Variants in ADGRA3 observed in about 807,000 individuals in gnomAD.
The protein encoded by ADGRA3 is G-protein coupled receptor 125.
A neutral mutation model predicts 119.8 loss-of-function variants in ADGRA3; 56 were observed. The observed-to-expected ratio is 0.47, with a 90% confidence interval of 0.38 to 0.58. The LOEUF is 0.58. Among genes scored for constraint, ADGRA3 ranks in the 20% least tolerant of loss-of-function variants. The probability of loss-of-function intolerance (pLI) is 0.00; values close to 1 mark genes in which losing one functional copy is unlikely to be tolerated. For missense variants in ADGRA3, 1,516 were observed against 1,649.0 expected, an observed-to-expected ratio of 0.92 and a Z score of 1.40; for synonymous variants, 607 against 623.8, an observed-to-expected ratio of 0.97 and a Z score of 0.40.
At chr4:22,399,657 G>C (rs574463973) in intron 16 of ADGRA3, among the ~76,000 whole-genome samples, 1 of 151,982 alleles carries the variant, frequency 6.6e-6, no homozygotes, top group Non-Finnish European at 1.5e-5. Context: ...TCTGCCTCTG[G>C]ACTCTCCATT....
chr4:22,400,858 T>A (rs998687199), intron 16 of ADGRA3, among the ~76,000 whole-genome samples: 1 of 152,130 alleles, frequency 6.6e-6, no homozygotes, highest in Non-Finnish European at 1.5e-5. Flanking sequence ...GAAAAAAATA[T>A]ACAAACAAAG....
At chr4:22,403,328 TGAAGAG>T (rs1714751383) in intron 14 of ADGRA3, among the ~76,000 whole-genome samples, 1 of 152,058 alleles carries the variant, frequency 6.6e-6, no homozygotes, top group African/African-American at 2.4e-5. Context: ...TTCCTGTCCC[TGAAGAG>T]GTGAAAATCA....
intron 15 of ADGRA3, among the ~76,000 whole-genome samples, chr4:22,402,363 C>A (rs1290632498): frequency 6.6e-6 from 1 of 152,056 alleles, no homozygotes; most frequent in Non-Finnish European, 1.5e-5. Context: ...AGGTAAGAAA[C>A]TTCCGCCTCA....
At chr4:22,460,430 C>CA (rs1235286229) in intron 3 of ADGRA3, among the ~76,000 whole-genome samples, 6 of 152,276 alleles carry the variant, frequency 3.9e-5, no homozygotes, top group Middle Eastern at 3.4e-3. Context: ...CCAGAAAGGA[C>CA]AAAAGTTCCT....
intron 12 of ADGRA3, chr4:22,420,149 A>AT (rs1324129673): frequency 6.6e-6 from 1 of 152,328 alleles, no homozygotes; most frequent in Non-Finnish European, 1.5e-5. Flanking sequence ...TGTTTGTGAT[A>AT]TTATTGAGGG....
intron 2 of ADGRA3, among the ~76,000 whole-genome samples, chr4:22,471,244 A>C (rs1025834416): frequency 1.3e-5 from 2 of 151,974 alleles, no homozygotes; most frequent in African/African-American, 4.8e-5. Flanking sequence ...TCCCACTTAT[A>C]AGGGGGAGCT....
intron 14 of ADGRA3, among the ~76,000 whole-genome samples, chr4:22,403,963 C>T (rs1253751675): frequency 6.6e-6 from 1 of 152,120 alleles, no homozygotes; most frequent in African/African-American, 2.4e-5. Context: ...CAAGTCCTTG[C>T]TCCCAAAAAC....
chr4:22,455,799 T>C (rs934627739), intron 3 of ADGRA3: 1 of 1,287,596 alleles, frequency 7.8e-7, no homozygotes. Context: ...TGACAATATC[T>C]GTAACTTACA....
intron 1 of ADGRA3, among the ~76,000 whole-genome samples, chr4:22,513,845 C>CAAAAAAAAAAAAAA (rs59015584): frequency 3.2e-4 from 10 of 31,480 alleles, no homozygotes; most frequent in African/African-American, 9.9e-4. Context: ...AGCTTTCAGG[C>CAAAAAAAAAAAAAA]AAAAAAAAAA....
intron 2 of ADGRA3, among the ~76,000 whole-genome samples, chr4:22,470,338 C>T (rs1285004837): frequency 7.3e-6 from 1 of 136,080 alleles, no homozygotes; most frequent in Non-Finnish European, 1.6e-5. Flanking sequence ...AAAAAAAAAT[C>T]AACCTAAATA....
Position 22,392,694 on chromosome 4 carries a change from C to A in ADGRA3, c.2482-4G>T. On this transcript the variant is annotated splice_region_variant and splice_polypyrimidine_tract_variant and intron_variant, in intron 16 of 18. Transcript: ENST00000334304. ...AATAGTGAAGAATTATCCCAACCTA[C>A]AAGGAAGATCAAAGAATAAATAAAA... 1.3e-6 allele frequency: 2 copies of A among 1,599,010 alleles called. No homozygotes were observed. The highest frequency in any genetic ancestry group is 1.7e-6 in the Non-Finnish European group (2 of 1,175,394).
rs748422868 is a variant in ADGRA3 at position 22,436,495 on chromosome 4, T to A, written c.1232A>T (p.Tyr411Phe). 5.0e-6 allele frequency: 8 copies of A among 1,612,724 alleles called. No individual in the cohort carries two copies. The African/African-American group carries it at 9.3e-5, about 19-fold the overall frequency. Reference sequence around the variant, plus strand: ...ATCATTTGCATACTGACAGCGAGAATAATCATCATCTGCCCAAAAGCCACC... The same window carrying A: ...ATCATTTGCATACTGACAGCGAGAAAAATCATCATCTGCCCAAAAGCCACC... The part of the protein sequence containing the change: ...DRGGFWADDD[Y>F]SRCQYANDVT... The change falls in exon 9 of 19, where the codon TAT (tyrosine) becomes TTT (phenylalanine). Residue 411 changes from tyrosine to phenylalanine, a missense_variant. Around this residue, in one of 2 missense-constraint regions of ADGRA3, gnomAD observed 428 missense variants for 541.9 expected, o/e 0.79. Coordinates refer to ENST00000334304, the MANE Select transcript of ADGRA3 (RefSeq NM_145290.4).
chr4:22,447,524 A>G lies in ADGRA3; in HGVS notation c.474-13T>C, dbSNP rs1446307104. 6.8e-7 allele frequency: 1 copy of G among 1,463,682 alleles called. No individual in the cohort carries two copies. 90.7% of individuals were successfully genotyped at this position (1,463,682 alleles called of 1,614,324 possible). A position where few individuals can be genotyped will look rare whatever the true frequency, so the allele number is the denominator to read the frequency against. On this transcript the variant is annotated splice_polypyrimidine_tract_variant and intron_variant, in intron 4 of 18. Coordinates refer to ENST00000334304, the MANE Select transcript of ADGRA3 (RefSeq NM_145290.4). ...CCCCGAAAGGTTTCTGAAAGACAGA[A>G]AACAATTTCACTTTTAAAAATACAA...
In ADGRA3 at chr4:22,387,556, TA is replaced by T; in HGVS notation, c.*148del. ...CTAAAAAATAGCAACAATTTGGGGA[TA>T]AAAATAAGTAAAATCCAAAACTTCA... On this transcript the variant is annotated 3_prime_UTR_variant, in exon 19 of 19. Coordinates refer to ENST00000334304, the MANE Select transcript of ADGRA3 (RefSeq NM_145290.4). The T allele has an allele frequency of 1.4e-6, 1 of 698,652 alleles. No homozygotes were observed. The highest frequency in any genetic ancestry group is 2.2e-6 in the Non-Finnish European group (1 of 453,882). The allele number at this position is 698,652 out of a possible 1,614,324, so 43.3% of individuals were successfully genotyped here.
At chr4:22,507,357 T>C (rs1560352465) in intron 1 of ADGRA3, among the ~76,000 whole-genome samples, 1 of 152,170 alleles carries the variant, frequency 6.6e-6, no homozygotes, top group Non-Finnish European at 1.5e-5. Flanking sequence ...GAGTTAAGAT[T>C]CCTCCAGAGC....
intron 7 of ADGRA3, among the ~76,000 whole-genome samples, chr4:22,438,984 G>C (rs1052044543): frequency 6.6e-6 from 1 of 152,082 alleles, no homozygotes; most frequent in Admixed American, 6.6e-5. Flanking sequence ...CTGGGTGACA[G>C]AGCAAGTCTC....
intron 2 of ADGRA3, among the ~76,000 whole-genome samples, chr4:22,467,278 C>T (rs1286768489): frequency 7.5e-4 from 114 of 152,108 alleles, no homozygotes; most frequent in Non-Finnish European, 5.9e-5. Context: ...ATGTTTGATC[C>T]CCAGCATTTT....
chr4:22,414,400 G>T, intron 12 of ADGRA3: 1 of 462,452 alleles, frequency 2.2e-6, no homozygotes, highest in South Asian at 4.0e-5. Flanking sequence ...AACTGAAAAT[G>T]CTGACTGATC....
intron 1 of ADGRA3, among the ~76,000 whole-genome samples, chr4:22,511,558 A>G (rs1035086478): frequency 6.6e-6 from 1 of 152,170 alleles, no homozygotes; most frequent in Admixed American, 6.5e-5. Context: ...TTAAAAAAAA[A>G]TTATATCCCA....
Sources: gnomAD v4.1 joint callset for allele counts (sites outside exome capture counted in the v4.1 genomes callset) on GRCh38, gnomAD v4.1.1 for gene constraint, gnomAD v4.1.1 regional missense constraint, MANE v1.5 for transcripts, NCBI Gene and HGNC (gene_info 2026-07-23, HGNC 2026-07-21) for gene names.